SLC44A5: variants seen among roughly 807,000 people sequenced by gnomAD.
SLC44A5 encodes choline transporter-like protein 5.
A neutral mutation model predicts 101.8 loss-of-function variants in SLC44A5; 57 were observed. The observed-to-expected ratio is 0.56, with a 90% CI of 0.45 to 0.70. The LOEUF (loss-of-function observed/expected upper bound fraction) is 0.70. SLC44A5 is among the 30% of genes least tolerant of loss of function. The pLI is 0.00. For missense variants in SLC44A5, 737 were observed against 853.1 expected, an observed-to-expected ratio of 0.86 and a Z score of 1.70; for synonymous variants, 281 against 290.9, an observed-to-expected ratio of 0.97 and a Z score of 0.35.
At chr1:75,345,464 T>A (rs930844015) in intron 3 of SLC44A5, among the ~76,000 whole-genome samples, 18 of 152,134 alleles carry the variant, frequency 1.2e-4, no homozygotes, top group Non-Finnish European at 5.9e-5. Context: ...GGGGACCAAC[T>A]AATATGGGAA....
intron 1 of SLC44A5, among the ~76,000 whole-genome samples, chr1:75,552,714 C>A (rs564615642): frequency 6.6e-6 from 1 of 150,918 alleles, no homozygotes; most frequent in African/African-American, 2.4e-5. Context: ...ACAAATCTAT[C>A]CTTTTGGAGT....
chr1:75,660,441 T>C, the SLC44A5 span, among the ~76,000 whole-genome samples: 63 of 152,216 alleles, frequency 4.1e-4, no homozygotes, highest in Admixed American at 1.2e-3. Context: ...GATGCTCACT[T>C]TCATTAAACA....
At chr1:75,262,092 G>GCACAA (rs1650565935) in intron 6 of SLC44A5, among the ~76,000 whole-genome samples, 3 of 152,144 alleles carry the variant, frequency 2.0e-5, no homozygotes, top group African/African-American at 7.2e-5. Flanking sequence ...ACACAAGGAT[G>GCACAA]CCCTCTCTCA....
At chr1:75,281,018 A>G (rs548621238) in intron 5 of SLC44A5, among the ~76,000 whole-genome samples, 2 of 152,288 alleles carry the variant, frequency 1.3e-5, no homozygotes, top group Admixed American at 1.3e-4. Flanking sequence ...GGAACTGTGT[A>G]GTAGGCAGAG....
At chr1:75,428,650 C>T (rs985502703) in intron 2 of SLC44A5, among the ~76,000 whole-genome samples, 1 of 152,162 alleles carries the variant, frequency 6.6e-6, no homozygotes, top group Non-Finnish European at 1.5e-5. Flanking sequence ...ATCCCCAGTA[C>T]AAGCACCAAT....
Position 75,481,135 on chromosome 1 carries a change from G to C in SLC44A5, c.13+60300C>G, listed in dbSNP as rs190885295. 2.2e-4 allele frequency among the ~76,000 whole-genome samples: 33 copies of C among 152,280 alleles called. 2 individuals carry two copies. Among genetic ancestry groups the C allele is most frequent in the Admixed American group, 2.0e-3 (31 of 15,290 alleles). Reference sequence around the variant, plus strand: ...ACTATCTGATCTTTGGCAAACCTGAGAAAAACAAGCAATGGGGAAAGGATT... The same window carrying C: ...ACTATCTGATCTTTGGCAAACCTGACAAAAACAAGCAATGGGGAAAGGATT... On this transcript the variant is annotated intron_variant, in intron 2 of 23. Transcript: ENST00000370859.
At chr1:75,325,105 G>T (rs1338219774) in intron 4 of SLC44A5, among the ~76,000 whole-genome samples, 1 of 152,080 alleles carries the variant, frequency 6.6e-6, no homozygotes, top group African/African-American at 2.4e-5. Context: ...GTAATAAATG[G>T]AGTGTATAAT....
At chr1:75,213,300 T>G (rs1406722639) in intron 22 of SLC44A5, among the ~76,000 whole-genome samples, 1 of 152,180 alleles carries the variant, frequency 6.6e-6, no homozygotes, top group Non-Finnish European at 1.5e-5. Flanking sequence ...CTACTATTCC[T>G]TTTTAAAATT....
At chr1:75,212,709 G>A (rs1646882461) in intron 22 of SLC44A5, among the ~76,000 whole-genome samples, 1 of 152,078 alleles carries the variant, frequency 6.6e-6, no homozygotes, top group East Asian at 1.9e-4. Context: ...ATACTGCCTG[G>A]GTTTGAATCA....
intron 13 of SLC44A5, among the ~76,000 whole-genome samples, chr1:75,226,626 A>G (rs1647201048): frequency 6.6e-6 from 1 of 152,124 alleles, no homozygotes; most frequent in Admixed American, 6.5e-5. Flanking sequence ...ATGATGCCCC[A>G]CCAAGATATT....
At chr1:75,309,601 T>G (rs1655154268) in intron 4 of SLC44A5, among the ~76,000 whole-genome samples, 1 of 152,200 alleles carries the variant, frequency 6.6e-6, no homozygotes, top group Non-Finnish European at 1.5e-5. Context: ...ACAAGTATGC[T>G]ATTGGTAAAC....
At chr1:75,247,630 G>T (rs1421867520) in intron 7 of SLC44A5, among the ~76,000 whole-genome samples, 1 of 152,044 alleles carries the variant, frequency 6.6e-6, no homozygotes. Flanking sequence ...GAAAGATTAA[G>T]ATAACTCATC....
chr1:75,272,889 G>A (rs927999396), intron 6 of SLC44A5, among the ~76,000 whole-genome samples: 4 of 151,980 alleles, frequency 2.6e-5, no homozygotes, highest in African/African-American at 4.8e-5. Context: ...TATTCCGTAT[G>A]AATTTTAGGA....
intron 1 of SLC44A5, among the ~76,000 whole-genome samples, chr1:75,566,720 C>T (rs1447695758): frequency 2.0e-5 from 3 of 152,216 alleles, no homozygotes; most frequent in African/African-American, 7.2e-5. Flanking sequence ...TATCTGGCTA[C>T]AGCCAATGAA....
chr1:75,340,224 T>A (rs1657771424), intron 3 of SLC44A5, among the ~76,000 whole-genome samples: 1 of 152,240 alleles, frequency 6.6e-6, no homozygotes, highest in South Asian at 2.1e-4. Context: ...GTCACTTTAC[T>A]GCATTATGAT....
intron 2 of SLC44A5, among the ~76,000 whole-genome samples, chr1:75,443,923 T>C (rs527891846): frequency 6.6e-6 from 1 of 152,178 alleles, no homozygotes; most frequent in Non-Finnish European, 1.5e-5. Context: ...CAGTAAATGA[T>C]TTTTAAAAAC....
intron 2 of SLC44A5, among the ~76,000 whole-genome samples, chr1:75,533,966 T>TA (rs1021982182): frequency 2.0e-5 from 3 of 152,026 alleles, no homozygotes; most frequent in Non-Finnish European, 4.4e-5. Context: ...GCAAAAGTCA[T>TA]AAAAAAAGCA....
chr1:75,373,242 A>T (rs1660346991), intron 3 of SLC44A5, among the ~76,000 whole-genome samples: 1 of 152,130 alleles, frequency 6.6e-6, no homozygotes, highest in African/African-American at 2.4e-5. Flanking sequence ...AAAAATCGAT[A>T]GGGAGGTGAC....
intron 2 of SLC44A5, among the ~76,000 whole-genome samples, chr1:75,424,787 A>G (rs1446493256): frequency 2.0e-5 from 3 of 152,168 alleles, no homozygotes; most frequent in African/African-American, 4.8e-5. Context: ...ATCAAATTGC[A>G]AGGAACAGGA....
Sources: gnomAD v4.1 joint callset for allele counts (sites outside exome capture counted in the v4.1 genomes callset) on GRCh38, gnomAD v4.1.1 for gene constraint, MANE v1.5 for transcripts, NCBI Gene and HGNC (gene_info 2026-07-23, HGNC 2026-07-21) for gene names.